Variants in XNDC1N observed in about 807,000 individuals in gnomAD.
XNDC1N encodes XRCC1 N-terminal domain containing 1, N-terminal like.
At chr11:71,917,070 A>G in the XNDC1N span, 1 of 233,190 alleles carries the variant, frequency 4.3e-6, no homozygotes, top group East Asian at 1.0e-4. Flanking sequence ...CTGGAGTGCA[A>G]TGGCCCAATC....
the XNDC1N span, among the ~76,000 whole-genome samples, chr11:71,875,544 G>A: frequency 0.038 from 5,714 of 152,114 alleles, 366 homozygotes; most frequent in African/African-American, 0.13. Context: ...AGCCACTTGT[G>A]GGGTAAGAAG....
the XNDC1N span, among the ~76,000 whole-genome samples, chr11:71,911,932 A>G: frequency 6.6e-6 from 1 of 152,168 alleles, no homozygotes; most frequent in Non-Finnish European, 1.5e-5. Flanking sequence ...TAAAGAAGAA[A>G]AGGACTTTCT....
At chr11:71,912,941 G>A in the XNDC1N span, among the ~76,000 whole-genome samples, 3 of 152,210 alleles carry the variant, frequency 2.0e-5, no homozygotes, top group South Asian at 6.2e-4. Context: ...CATCACAAGT[G>A]GGGTGTACTG....
the XNDC1N span, chr11:71,878,520 A>C: frequency 6.2e-7 from 1 of 1,608,402 alleles, no homozygotes; most frequent in East Asian, 2.2e-5. Context: ...AGTAAGGCAG[A>C]AACTTTTTTA....
the XNDC1N span, among the ~76,000 whole-genome samples, chr11:71,915,820 G>C: frequency 6.6e-6 from 1 of 152,200 alleles, no homozygotes; most frequent in South Asian, 2.1e-4. Context: ...TATGGCTAAA[G>C]AGCAAATAGT....
the XNDC1N span, chr11:71,918,807 G>A: frequency 1.5e-6 from 1 of 673,480 alleles, no homozygotes; most frequent in Non-Finnish European, 2.7e-6. Flanking sequence ...AATGAACTGA[G>A]ACATGTTAGT....
At chr11:71,928,561 CA>C in the XNDC1N span, 1 of 702,566 alleles carries the variant, frequency 1.4e-6, no homozygotes, top group East Asian at 2.7e-5. Context: ...GGCAAGATGG[CA>C]GGTGCTGCAG....
the XNDC1N span, among the ~76,000 whole-genome samples, chr11:71,871,106 T>G: frequency 8.5e-5 from 13 of 152,220 alleles, no homozygotes; most frequent in Non-Finnish European, 1.8e-4. Context: ...CTTTTTGCAA[T>G]AGTCAAGTTT....
chr11:71,924,454 G>A, the XNDC1N span, among the ~76,000 whole-genome samples: 1 of 152,116 alleles, frequency 6.6e-6, no homozygotes, highest in African/African-American at 2.4e-5. Context: ...CAAGGTGGGT[G>A]GATCACGAGG....
chr11:71,897,332 GAA>G, the XNDC1N span, among the ~76,000 whole-genome samples: 4 of 152,192 alleles, frequency 2.6e-5, no homozygotes, highest in African/African-American at 9.7e-5. Flanking sequence ...GCATATATCT[GAA>G]AAGAGGCTGA....
the XNDC1N span, among the ~76,000 whole-genome samples, chr11:71,898,906 A>C: frequency 2.3e-3 from 343 of 152,246 alleles, no homozygotes; most frequent in Middle Eastern, 6.8e-3. Flanking sequence ...ATATATTTAT[A>C]ATTTTTAATA....
the XNDC1N span, among the ~76,000 whole-genome samples, chr11:71,904,815 T>C: frequency 1.3e-5 from 2 of 152,026 alleles, no homozygotes; most frequent in Non-Finnish European, 2.9e-5. Context: ...TCACCCCATG[T>C]GACATTAGGA....
At chr11:71,884,864 G>A in the XNDC1N span, among the ~76,000 whole-genome samples, 1 of 148,346 alleles carries the variant, frequency 6.7e-6, no homozygotes, top group East Asian at 2.0e-4. Context: ...TCGCAGGGGG[G>A]TGAGGCACCA....
chr11:71,897,151 T>C, the XNDC1N span, among the ~76,000 whole-genome samples: 1 of 152,174 alleles, frequency 6.6e-6, no homozygotes, highest in Non-Finnish European at 1.5e-5. Context: ...GGCCACGCTT[T>C]CATGACATCA....
At chr11:71,884,906 C>G in the XNDC1N span, among the ~76,000 whole-genome samples, 1 of 150,022 alleles carries the variant, frequency 6.7e-6, no homozygotes, top group Non-Finnish European at 1.5e-5. Flanking sequence ...GCCAGCCCTT[C>G]TTGCCCCTCT....
At chr11:71,887,730 G>T in the XNDC1N span, among the ~76,000 whole-genome samples, 1 of 152,248 alleles carries the variant, frequency 6.6e-6, no homozygotes, top group East Asian at 1.9e-4. Flanking sequence ...CCCAAGTCAC[G>T]GACCAAGAAC....
the XNDC1N span, among the ~76,000 whole-genome samples, chr11:71,923,941 C>G: frequency 2.6e-5 from 4 of 151,892 alleles, no homozygotes; most frequent in African/African-American, 7.3e-5. Context: ...GGCTCCAACT[C>G]GAATGAAACC....
At chr11:71,897,309 AT>A in the XNDC1N span, among the ~76,000 whole-genome samples, 4 of 152,242 alleles carry the variant, frequency 2.6e-5, no homozygotes, top group African/African-American at 9.7e-5. Flanking sequence ...GGATTAGGAA[AT>A]ATATTTGCAA....
the XNDC1N span, chr11:71,928,160 A>C: frequency 2.4e-6 from 1 of 412,372 alleles, no homozygotes; most frequent in Non-Finnish European, 4.4e-6. Flanking sequence ...AGGTGTGTGA[A>C]CTGGCATGAC....
Sources: allele counts gnomAD v4.1 joint callset (sites outside exome capture counted in the v4.1 genomes callset), GRCh38; gene constraint gnomAD v4.1.1; transcripts MANE v1.5; gene names NCBI Gene and HGNC (gene_info 2026-07-23, HGNC 2026-07-21).